ITGBL1: variants seen among roughly 807,000 people sequenced by gnomAD.
The protein encoded by ITGBL1 is integrin subunit beta like 1, also known as integrin beta-like protein 1.
In ITGBL1, 51 loss-of-function variants were observed where a neutral mutation model predicts 68.5. The observed-to-expected ratio is 0.74, with a 90% CI of 0.59 to 0.94. The LOEUF (loss-of-function observed/expected upper bound fraction) is 0.94, where lower values mean the gene tolerates loss of function less well. ITGBL1 is among the 40% of genes least tolerant of loss of function. The pLI is 0.00. For missense variants in ITGBL1, 649 were observed against 647.4 expected (o/e 1.00, Z -0.03); for synonymous variants, 209 against 227.3 (o/e 0.92, Z 0.72).
chr13:101,662,546 A>G (rs1000697656), intron 7 of ITGBL1, among the ~76,000 whole-genome samples: 2 of 152,000 alleles, frequency 1.3e-5, no homozygotes, highest in African/African-American at 4.8e-5. Flanking sequence ...AATCACATAC[A>G]TTTGGTTGTT....
At position 101,575,503 on chromosome 13, in the gene ITGBL1, C is replaced by T. The variant is rs759757138; in HGVS notation, c.543C>T (p.Asp181=). The part of the protein sequence containing the change: ...GLVYGKFCEC[D]DRECIDDETE... ...TGTATGGTAAATTTTGTGAGTGTGA[C>T]GATAGAGAATGCATAGACGATGAAA... Residue 181 remains aspartate, a synonymous_variant, in exon 4 of 11, where the codon GAC becomes GAT. Coordinates refer to ENST00000376180, the MANE Select transcript of ITGBL1 (RefSeq NM_004791.3). 4.9e-5 allele frequency: 79 copies of T among 1,612,132 alleles called. No individual in the cohort carries two copies. Among genetic ancestry groups the T allele is most frequent in the Middle Eastern group, 1.6e-4 (1 of 6,070 alleles).
At chr13:101,519,090 C>G (rs946901039) in intron 2 of ITGBL1, among the ~76,000 whole-genome samples, 1 of 151,992 alleles carries the variant, frequency 6.6e-6, no homozygotes, top group African/African-American at 2.4e-5. Flanking sequence ...GTCAGTGGTA[C>G]GCATTAAAAA....
At chr13:101,654,231 G>A (rs1365816277) in intron 7 of ITGBL1, among the ~76,000 whole-genome samples, 1 of 152,070 alleles carries the variant, frequency 6.6e-6, no homozygotes, top group Non-Finnish European at 1.5e-5. Flanking sequence ...GACCATGCAG[G>A]GCCCTGAAGT....
chr13:101,633,769 C>CA (rs756211365), intron 7 of ITGBL1, among the ~76,000 whole-genome samples: 8 of 152,046 alleles, frequency 5.3e-5, no homozygotes, highest in East Asian at 3.9e-4. Context: ...ATTATTGTGG[C>CA]AAAATCTAGA....
chr13:101,694,517 A>G (rs1240120551), intron 8 of ITGBL1, among the ~76,000 whole-genome samples: 1 of 151,908 alleles, frequency 6.6e-6, no homozygotes, highest in Non-Finnish European at 1.5e-5. Flanking sequence ...TCAAACTCCT[A>G]GGCTCAAGCA....
chr13:101,647,624 G>C (rs534348163), intron 7 of ITGBL1, among the ~76,000 whole-genome samples: 8 of 152,180 alleles, frequency 5.3e-5, no homozygotes, highest in Non-Finnish European at 1.2e-4. Flanking sequence ...ATTTTACCCT[G>C]TGCAGGGAAA....
At chr13:101,552,029 G>T (rs901949111) in intron 2 of ITGBL1, among the ~76,000 whole-genome samples, 16 of 152,128 alleles carry the variant, frequency 1.1e-4, no homozygotes, top group African/African-American at 3.9e-4. Context: ...TTCCACCACT[G>T]TTTTCATGCT....
intron 2 of ITGBL1, among the ~76,000 whole-genome samples, chr13:101,556,403 G>A (rs970941501): frequency 1.3e-5 from 2 of 152,294 alleles, no homozygotes; most frequent in African/African-American, 2.4e-5. Flanking sequence ...TTGGGAGGCC[G>A]AGGCAGGCGG....
intron 2 of ITGBL1, among the ~76,000 whole-genome samples, chr13:101,549,260 C>T (rs935492763): frequency 6.6e-6 from 1 of 151,710 alleles, no homozygotes; most frequent in Admixed American, 6.6e-5. Context: ...TATTTTATGT[C>T]CATATTTATG....
At chr13:101,638,662 C>A (rs1241219249) in intron 7 of ITGBL1, among the ~76,000 whole-genome samples, 1 of 152,038 alleles carries the variant, frequency 6.6e-6, no homozygotes, top group Non-Finnish European at 1.5e-5. Context: ...CATCAGATCT[C>A]ATAAGATTTA....
Position 101,614,171 on chromosome 13 carries a change from C to G in ITGBL1, c.1015+15872C>G, listed in dbSNP as rs374783488. 5.3e-5 allele frequency among the ~76,000 whole-genome samples: 8 copies of G among 152,084 alleles called. 1 individual carries two copies. The highest frequency in any genetic ancestry group is 3.3e-4 in the Admixed American group (5 of 15,282). On this transcript the variant is annotated intron_variant, in intron 7 of 10. Transcript: ENST00000376180. ...GCATACAGGACAATGATTATTTGTT[C>G]TATATGAAAGATAATTGGCTGAATA...
chr13:101,712,347 A>C (rs961147873), intron 9 of ITGBL1: 18 of 152,210 alleles, frequency 1.2e-4, no homozygotes, highest in African/African-American at 4.3e-4. Context: ...GAATTTACTC[A>C]TCAAATGTTC....
intron 2 of ITGBL1, among the ~76,000 whole-genome samples, chr13:101,541,040 C>T (rs1232996828): frequency 4.5e-5 from 6 of 133,784 alleles, no homozygotes; most frequent in Admixed American, 4.0e-4. Flanking sequence ...ATTGAATACC[C>T]TTTATTTCCT....
At chr13:101,709,397 AAG>A (rs1491214878) in intron 9 of ITGBL1, among the ~76,000 whole-genome samples, 9 of 146,606 alleles carry the variant, frequency 6.1e-5, no homozygotes, top group South Asian at 4.4e-4. Flanking sequence ...AAAAAAAAAA[AAG>A]AAAAGCAGGA....
intron 7 of ITGBL1, among the ~76,000 whole-genome samples, chr13:101,675,956 T>G (rs1402271213): frequency 3.3e-5 from 5 of 152,194 alleles, no homozygotes; most frequent in African/African-American, 1.2e-4. Context: ...CCTTATTCAA[T>G]TTTTAATTTT....
chr13:101,599,923 CTT>C (rs1023247467), intron 7 of ITGBL1, among the ~76,000 whole-genome samples: 3 of 152,062 alleles, frequency 2.0e-5, no homozygotes, highest in African/African-American at 7.2e-5. Context: ...AATGTGGGCT[CTT>C]TTTTGGTTCC....
At chr13:101,504,600 T>G (rs2048997832) in intron 2 of ITGBL1, among the ~76,000 whole-genome samples, 1 of 152,204 alleles carries the variant, frequency 6.6e-6, no homozygotes, top group African/African-American at 2.4e-5. Flanking sequence ...TAATTTTAGG[T>G]AAATTAATTG....
At chr13:101,544,663 A>G (rs938380496) in intron 2 of ITGBL1, among the ~76,000 whole-genome samples, 2 of 152,188 alleles carry the variant, frequency 1.3e-5, no homozygotes, top group African/African-American at 4.8e-5. Flanking sequence ...TGGAGTCTAC[A>G]GAGACAGGCA....
rs2048613293 is a variant in ITGBL1 at position 101,481,036 on chromosome 13, G to A, written c.316+26936G>A. ...TGTGTGTGTGTGTGTGTGTGTGTGTGTACTCATATATGTGTAACTATATAC... is the reference window on the plus strand; with the variant it reads ...TGTGTGTGTGTGTGTGTGTGTGTGTATACTCATATATGTGTAACTATATAC... On this transcript the variant is annotated intron_variant, in intron 2 of 10. Coordinates refer to ENST00000376180, the MANE Select transcript of ITGBL1 (RefSeq NM_004791.3). Among the ~76,000 whole-genome samples, 3 of 142,316 alleles carry A rather than the reference G, an allele frequency of 2.1e-5. No individual in the cohort carries two copies. In the South Asian group the frequency reaches 6.8e-4, roughly 32 times the overall value. 93.4% of individuals were successfully genotyped at this position (142,316 alleles called of 152,430 possible). A position where few individuals can be genotyped will look rare whatever the true frequency, so the allele number is the denominator to read the frequency against.
Sources: allele counts gnomAD v4.1 joint callset (sites outside exome capture counted in the v4.1 genomes callset), GRCh38; gene constraint gnomAD v4.1.1; transcripts MANE v1.5; gene names NCBI Gene and HGNC (gene_info 2026-07-23, HGNC 2026-07-21).